The following SGIP1 variants were observed in gnomAD, a reference collection of about 807,000 sequenced individuals.
SGIP1 encodes the protein SH3GL interacting endocytic adaptor 1.
In SGIP1, 38 loss-of-function variants were observed where a neutral mutation model predicts 107.5. The observed-to-expected ratio is 0.35, with a 90% CI of 0.27 to 0.46. SGIP1 has a LOEUF of 0.46. SGIP1 is among the 20% of genes least tolerant of loss of function. The pLI, the probability that SGIP1 is intolerant of heterozygous loss-of-function variation, is 1.00. For synonymous variants in SGIP1, 365 were observed against 366.1 expected (o/e 1.00, Z 0.03); for missense variants, 929 against 1,019.5 (o/e 0.91, Z 1.21).
intron 10 of SGIP1, among the ~76,000 whole-genome samples, 196 bp downstream of exon 10, chr1:66,671,215 G>A (rs2083709369): frequency 6.6e-6 from 1 of 152,124 alleles, no homozygotes; most frequent in African/African-American, 2.4e-5. Context: ...TAATGTTTAA[G>A]TTCTGAAAAT....
chr1:66,699,740 A>T (rs1274412190), intron 18 of SGIP1, among the ~76,000 whole-genome samples: 4 of 152,166 alleles, frequency 2.6e-5, no homozygotes, highest in Admixed American at 1.3e-4. Context: ...AACAGAAAAA[A>T]TACCTGTCCC....
At chr1:66,699,597 T>G (rs887479014) in intron 18 of SGIP1, among the ~76,000 whole-genome samples, 3 of 152,146 alleles carry the variant, frequency 2.0e-5, no homozygotes, top group Non-Finnish European at 4.4e-5. Flanking sequence ...TTTCAGCTGT[T>G]TCATCATTAA....
chr1:66,740,716 A>G lies in SGIP1; in HGVS notation c.2293A>G (p.Asn765Asp). 6.3e-7 allele frequency: 1 copy of G among 1,598,608 alleles called. No homozygotes were observed. The highest frequency in any genetic ancestry group is 2.2e-5 in the East Asian group (1 of 44,668). Residue 765 changes from asparagine (N) to aspartate (D), a missense_variant, in exon 23 of 25, where the codon AAT becomes GAT. Around this residue, in one of 2 missense-constraint regions of SGIP1, gnomAD observed 341 missense variants for 430.9 expected, o/e 0.79. Transcript: ENST00000371037. ...TCCTGATATCTCTCAGAAGTCAGAA[A>G]ATGGAGGTAATGGAATCACAAGTTT... ...KIPDISQKSE[N>D]GGVGSLLARF...
At chr1:66,590,542 A>C (rs1040458783) in intron 1 of SGIP1, 17 of 152,148 alleles carry the variant, frequency 1.1e-4, no homozygotes, top group Non-Finnish European at 2.4e-4. Flanking sequence ...GGCTCAAGTG[A>C]TTCTTCTGCC....
At chr1:66,709,050 G>A (rs2092721302) in intron 18 of SGIP1, among the ~76,000 whole-genome samples, 1 of 150,494 alleles carries the variant, frequency 6.6e-6, no homozygotes. Context: ...TGGGATACAT[G>A]CGCAGAGTTC....
intron 1 of SGIP1, among the ~76,000 whole-genome samples, chr1:66,621,176 G>T (rs1043664233): frequency 7.2e-5 from 11 of 152,204 alleles, no homozygotes; most frequent in Non-Finnish European, 1.6e-4. Context: ...AAAGCTGGAT[G>T]TCTGCTGTAA....
intron 18 of SGIP1, among the ~76,000 whole-genome samples, chr1:66,705,538 T>C (rs1007377091): frequency 5.9e-5 from 9 of 152,186 alleles, no homozygotes; most frequent in African/African-American, 2.2e-4. Context: ...CTTAGGTTTT[T>C]GCCTTTTTTT....
At chr1:66,618,800 A>G (rs111599866) in intron 1 of SGIP1, among the ~76,000 whole-genome samples, 3,430 of 152,310 alleles carry the variant, frequency 0.023, 126 homozygotes, top group African/African-American at 0.078. Context: ...TCCAAATCGC[A>G]TATCTTGTGA....
At chr1:66,623,176 C>T (rs1422447598) in intron 1 of SGIP1, among the ~76,000 whole-genome samples, 1 of 152,066 alleles carries the variant, frequency 6.6e-6, no homozygotes, top group Non-Finnish European at 1.5e-5. Context: ...ACTTCATTTG[C>T]TTTAGTCTTT....
At chr1:66,732,911 T>C (rs1346227686) in intron 20 of SGIP1, among the ~76,000 whole-genome samples, 1 of 152,200 alleles carries the variant, frequency 6.6e-6, no homozygotes, top group African/African-American at 2.4e-5. Context: ...TCAGCAAATG[T>C]GTGTGACAAG....
intron 1 of SGIP1, among the ~76,000 whole-genome samples, chr1:66,576,949 A>G (rs558495651): frequency 6.6e-6 from 1 of 152,290 alleles, no homozygotes; most frequent in Non-Finnish European, 1.5e-5. Flanking sequence ...CAGCTGGGTC[A>G]TGCCTGGTGC....
chr1:66,572,779 A>G (rs1383727734), intron 1 of SGIP1, among the ~76,000 whole-genome samples: 2 of 152,106 alleles, frequency 1.3e-5, no homozygotes, highest in East Asian at 1.9e-4. Context: ...TAAAGAGCCT[A>G]CAACAGAGAG....
At chr1:66,707,690 T>C (rs1371381280) in intron 18 of SGIP1, among the ~76,000 whole-genome samples, 1 of 152,208 alleles carries the variant, frequency 6.6e-6, no homozygotes, top group Non-Finnish European at 1.5e-5. Context: ...AGCAGTTGCA[T>C]AGTCTGGTAG....
chr1:66,737,239 A>G (rs1471441237), intron 21 of SGIP1, among the ~76,000 whole-genome samples: 1 of 152,122 alleles, frequency 6.6e-6, no homozygotes, highest in Non-Finnish European at 1.5e-5. Flanking sequence ...CCCTTCGTGG[A>G]CTCTAATTAT....
intron 17 of SGIP1, among the ~76,000 whole-genome samples, chr1:66,691,026 C>G (rs1328645766): frequency 6.6e-6 from 1 of 152,144 alleles, no homozygotes; most frequent in Non-Finnish European, 1.5e-5. Flanking sequence ...AAGCTGGTCT[C>G]TCTCTTTTTC....
At chr1:66,586,602 T>C (rs888026276) in intron 1 of SGIP1, among the ~76,000 whole-genome samples, 1 of 152,166 alleles carries the variant, frequency 6.6e-6, no homozygotes, top group South Asian at 2.1e-4. Flanking sequence ...CTTTATGCCC[T>C]TTAATCCTTC....
chr1:66,540,268 T>C (rs180723879), intron 1 of SGIP1, among the ~76,000 whole-genome samples: 141 of 152,348 alleles, frequency 9.3e-4, no homozygotes, highest in African/African-American at 3.2e-3. Flanking sequence ...AAATATGTAC[T>C]TGAGCTTGAA....
intron 1 of SGIP1, among the ~76,000 whole-genome samples, chr1:66,586,924 T>C (rs1219301548): frequency 3.9e-5 from 6 of 152,060 alleles, no homozygotes; most frequent in Admixed American, 1.3e-4. Context: ...CATTCATTTC[T>C]TTAGGATGTG....
At chr1:66,536,983 G>A (rs2053771269) in intron 1 of SGIP1, among the ~76,000 whole-genome samples, 1 of 152,114 alleles carries the variant, frequency 6.6e-6, no homozygotes, top group South Asian at 2.1e-4. Context: ...AGTAAACTAC[G>A]TTTTGTTTGT....
Sources: gnomAD v4.1 joint callset for allele counts (sites outside exome capture counted in the v4.1 genomes callset) on GRCh38, gnomAD v4.1.1 for gene constraint, gnomAD v4.1.1 regional missense constraint, MANE v1.5 for transcripts, NCBI Gene and HGNC (gene_info 2026-07-23, HGNC 2026-07-21) for gene names.